TRPM3: variants seen among roughly 807,000 people sequenced by gnomAD.
The protein encoded by TRPM3 is transient receptor potential cation channel subfamily M member 3, also known as long transient receptor potential channel 3.
TRPM3 carries 77 observed loss-of-function variants against 181.2 expected under a neutral mutation model. The ratio of observed to expected loss-of-function variants is 0.42; its 90% CI spans 0.35 to 0.51. TRPM3 has a LOEUF of 0.51. Among genes scored for constraint, TRPM3 ranks in the 20% least tolerant of loss-of-function variants. The pLI, the probability that TRPM3 is intolerant of heterozygous loss-of-function variation, is 0.01. For synonymous variants in TRPM3, 745 were observed against 796.4 expected, an observed-to-expected ratio of 0.94 and a Z score of 1.09; for missense variants, 1,759 against 2,196.7, an observed-to-expected ratio of 0.80 and a Z score of 3.98.
chr9:71,090,161 G>A (rs1565172246), intron 1 of TRPM3, among the ~76,000 whole-genome samples: 1 of 152,064 alleles, frequency 6.6e-6, no homozygotes. Flanking sequence ...TTACTGGGAA[G>A]AGATAAACCT....
intron 19 of TRPM3, among the ~76,000 whole-genome samples, chr9:70,606,657 A>G (rs1353720578): frequency 5.5e-5 from 8 of 146,764 alleles, no homozygotes; most frequent in African/African-American, 1.3e-4. Context: ...GTGTGTATAT[A>G]TATATATATA....
At chr9:71,081,777 T>G (rs2064388799) in intron 1 of TRPM3, among the ~76,000 whole-genome samples, 1 of 152,164 alleles carries the variant, frequency 6.6e-6, no homozygotes. Context: ...ATCATTACCC[T>G]CTGCTTTTCA....
intron 1 of TRPM3, among the ~76,000 whole-genome samples, chr9:71,109,773 T>C (rs1189989022): frequency 6.6e-6 from 1 of 152,120 alleles, no homozygotes; most frequent in East Asian, 1.9e-4. Flanking sequence ...GGAAGGAGTT[T>C]GGAATTAGAA....
chr9:70,888,878 G>A (rs776814372), intron 1 of TRPM3, among the ~76,000 whole-genome samples: 11 of 152,126 alleles, frequency 7.2e-5, no homozygotes, highest in Non-Finnish European at 1.6e-4. Context: ...CATTTATCTC[G>A]ATTTCTCTCA....
At chr9:70,791,180 T>A (rs1289785148) in intron 6 of TRPM3, among the ~76,000 whole-genome samples, 1 of 152,208 alleles carries the variant, frequency 6.6e-6, no homozygotes, top group Non-Finnish European at 1.5e-5. Context: ...TGAAAATCCA[T>A]GAGGTACCCA....
At chr9:71,106,447 C>G (rs953049624) in intron 1 of TRPM3, among the ~76,000 whole-genome samples, 2 of 152,092 alleles carry the variant, frequency 1.3e-5, no homozygotes, top group South Asian at 2.1e-4. Flanking sequence ...CCTCCTCCCT[C>G]ACTTTCTTGC....
intron 1 of TRPM3, among the ~76,000 whole-genome samples, chr9:71,180,364 T>C (rs2077334476): frequency 6.6e-6 from 1 of 152,164 alleles, no homozygotes; most frequent in Admixed American, 6.6e-5. Context: ...CTATCATACA[T>C]CTTTCTTAGA....
intron 8 of TRPM3, among the ~76,000 whole-genome samples, chr9:70,691,087 A>G (rs2134441787): frequency 6.6e-6 from 1 of 152,330 alleles, no homozygotes; most frequent in Non-Finnish European, 1.5e-5. Context: ...ACAAAAGATC[A>G]GTGGAAAGTG....
At chr9:71,223,671 C>T (rs1284054893) in intron 1 of TRPM3, among the ~76,000 whole-genome samples, 1 of 152,182 alleles carries the variant, frequency 6.6e-6, no homozygotes, top group African/African-American at 2.4e-5. Context: ...GAGGGGAGCC[C>T]ACTTCCCTGA....
chr9:71,179,981 C>T (rs1208188995), intron 1 of TRPM3, among the ~76,000 whole-genome samples: 2 of 151,438 alleles, frequency 1.3e-5, no homozygotes, highest in African/African-American at 2.4e-5. Context: ...TGTTGGAAAC[C>T]ATCTACCAAT....
intron 1 of TRPM3, among the ~76,000 whole-genome samples, chr9:71,392,118 G>T (rs2093075963): frequency 6.6e-6 from 1 of 152,080 alleles, no homozygotes. Context: ...TAGAAAATAT[G>T]ACAATGAAAA....
chr9:71,360,990 A>G (rs2092119896), intron 1 of TRPM3, among the ~76,000 whole-genome samples: 1 of 152,124 alleles, frequency 6.6e-6, no homozygotes, highest in Non-Finnish European at 1.5e-5. Flanking sequence ...ACAATTTTAA[A>G]TTTTTATTTA....
chr9:71,345,125 C>T (rs1385524976), intron 1 of TRPM3, among the ~76,000 whole-genome samples: 3 of 152,152 alleles, frequency 2.0e-5, no homozygotes, highest in East Asian at 1.9e-4. Context: ...AATAGAAATG[C>T]TTTTACACTG....
At chr9:71,401,737 T>C (rs1432070115) in intron 1 of TRPM3, among the ~76,000 whole-genome samples, 1 of 152,118 alleles carries the variant, frequency 6.6e-6, no homozygotes, top group East Asian at 1.9e-4. Flanking sequence ...ATTTGAATAG[T>C]GGTAACTAGA....
chr9:70,853,018 C>A (rs986003694), intron 3 of TRPM3, among the ~76,000 whole-genome samples: 2 of 152,120 alleles, frequency 1.3e-5, no homozygotes, highest in African/African-American at 4.8e-5. Flanking sequence ...GTTGCAAGAG[C>A]TTTGAGGGGA....
intron 1 of TRPM3, among the ~76,000 whole-genome samples, chr9:70,898,725 GC>G (rs2096330901): frequency 7.2e-6 from 1 of 139,746 alleles, no homozygotes; most frequent in Non-Finnish European, 1.5e-5. Context: ...TCCAGTTTGG[GC>G]AAAAGAGTGA....
chr9:70,808,369 T>C (rs1478254827), intron 6 of TRPM3, among the ~76,000 whole-genome samples: 1 of 152,210 alleles, frequency 6.6e-6, no homozygotes, highest in Non-Finnish European at 1.5e-5. Context: ...ACAAGAACTA[T>C]CCCAGTCCCT....
intron 1 of TRPM3, among the ~76,000 whole-genome samples, chr9:71,170,611 C>T (rs937653557): frequency 2.0e-5 from 3 of 152,154 alleles, no homozygotes; most frequent in Non-Finnish European, 2.9e-5. Context: ...TTATGCCTGT[C>T]TTTACTGCAA....
At chr9:71,342,830 T>C (rs1385180353) in intron 1 of TRPM3, among the ~76,000 whole-genome samples, 1 of 152,100 alleles carries the variant, frequency 6.6e-6, no homozygotes, top group Non-Finnish European at 1.5e-5. Context: ...TTTTAATAAG[T>C]GAATTTTTAA....
Sources: allele counts gnomAD v4.1 joint callset (sites outside exome capture counted in the v4.1 genomes callset), GRCh38; gene constraint gnomAD v4.1.1; transcripts MANE v1.5; gene names NCBI Gene and HGNC (gene_info 2026-07-23, HGNC 2026-07-21).